Variants in HERC5 observed in about 807,000 individuals in gnomAD.
The protein encoded by HERC5 is HECT and RLD domain containing E3 ubiquitin protein ligase 5, also known as E3 ISG15--protein ligase HERC5.
HERC5 carries 99 observed loss-of-function variants against 119.6 expected under a neutral mutation model. That is an observed-to-expected ratio of 0.83 (90% CI 0.70 to 0.98). The LOEUF (loss-of-function observed/expected upper bound fraction) is 0.98. HERC5 is among the 50% of genes least tolerant of loss of function. The pLI is 0.00. For missense variants in HERC5, 1,267 were observed against 1,241.3 expected (o/e 1.02, Z -0.31); for synonymous variants, 478 against 445.9 (o/e 1.07, Z -0.91).
intron 12 of HERC5, among the ~76,000 whole-genome samples, chr4:88,477,038 C>T (rs545694328): frequency 1.4e-5 from 2 of 146,020 alleles, no homozygotes; most frequent in East Asian, 4.0e-4. Context: ...TCTTCTTTTC[C>T]CAAAAAAAGT....
rs1373174710 is a variant in HERC5 at position 88,505,132 on chromosome 4, A to G, written c.2869+535A>G. ...ACCTACCTTTCCAGTCTTAACTCCT[A>G]GAGGAAATTTTTGTCCCAACCAAAT... On this transcript the variant is annotated intron_variant, in intron 22 of 22. Coordinates refer to ENST00000264350, the MANE Select transcript of HERC5 (RefSeq NM_016323.4). Among the ~76,000 whole-genome samples, 5 of 152,188 alleles carry G rather than the reference A, an allele frequency of 3.3e-5. No homozygotes were observed. The East Asian group carries it at 9.6e-4, about 29-fold the overall frequency.
At chr4:88,476,505 A>G (rs1560604987) in intron 12 of HERC5, among the ~76,000 whole-genome samples, 3 of 152,242 alleles carry the variant, frequency 2.0e-5, no homozygotes. Context: ...GTCAGCAATA[A>G]TAAGTATGTT....
At chr4:88,482,266 C>T (rs1172317693) in intron 13 of HERC5, among the ~76,000 whole-genome samples, 3 of 149,906 alleles carry the variant, frequency 2.0e-5, no homozygotes, top group South Asian at 2.1e-4. Flanking sequence ...GCCAAGATTG[C>T]GTCACTGCAC....
At chr4:88,459,082 A>G (rs1740309839) in intron 1 of HERC5, among the ~76,000 whole-genome samples, 1 of 152,198 alleles carries the variant, frequency 6.6e-6, no homozygotes, top group Admixed American at 6.5e-5. Context: ...AAAAGCAGAT[A>G]TTTAATTGGA....
At chr4:88,469,500 C>T (rs1013883659) in intron 9 of HERC5, among the ~76,000 whole-genome samples, 1 of 152,074 alleles carries the variant, frequency 6.6e-6, no homozygotes, top group Admixed American at 6.6e-5. Flanking sequence ...ATTGTAGGGG[C>T]TGGCAAGTCC....
chr4:88,494,415 C>T, intron 18 of HERC5, 84 bp downstream of exon 18: 1 of 1,077,466 alleles, frequency 9.3e-7, no homozygotes, highest in Non-Finnish European at 1.3e-6. Flanking sequence ...CATAATATTT[C>T]CATGTTCAAC....
intron 6 of HERC5, among the ~76,000 whole-genome samples, chr4:88,465,465 T>C (rs757110207): frequency 1.3e-5 from 2 of 152,194 alleles, no homozygotes; most frequent in Non-Finnish European, 2.9e-5. Context: ...GATCTTGGAG[T>C]AGAATTACAT....
rs1192253947 is a variant in HERC5 at position 88,489,843 on chromosome 4, TA to T, written c.2133+508del. Reference sequence around the variant, plus strand: ...GGTCAACATGGTAAAACCCTGTCTCTACTAAAAATACAAAAATGAACCGTGT... The same window carrying T: ...GGTCAACATGGTAAAACCCTGTCTCTCTAAAAATACAAAAATGAACCGTGT... On this transcript the variant is annotated intron_variant, in intron 16 of 22. Coordinates refer to ENST00000264350, the MANE Select transcript of HERC5 (RefSeq NM_016323.4). Among the ~76,000 whole-genome samples the T allele has an allele frequency of 1.1e-4, 16 of 152,070 alleles. No individual in the cohort carries two copies. In the South Asian group the frequency reaches 3.1e-3, roughly 30 times the overall value.
At chr4:88,496,494 T>C (rs1741798942) in intron 18 of HERC5, among the ~76,000 whole-genome samples, 1 of 152,188 alleles carries the variant, frequency 6.6e-6, no homozygotes, top group Admixed American at 6.5e-5. Flanking sequence ...AATGGACCCA[T>C]GCCTATGTGG....
intron 13 of HERC5, among the ~76,000 whole-genome samples, chr4:88,480,017 A>G (rs1741225665): frequency 6.6e-6 from 1 of 150,408 alleles, no homozygotes; most frequent in East Asian, 2.0e-4. Flanking sequence ...CAGTGAGCAG[A>G]GATCGCGCCA....
Position 88,505,767 on chromosome 4 carries a change from T to C in HERC5, c.2964T>C (p.Pro988=), listed in dbSNP as rs746517242. The C allele has an allele frequency of 3.1e-6, 5 of 1,608,788 alleles. No individual in the cohort carries two copies. The Admixed American group carries it at 5.0e-5, about 16-fold the overall frequency. Residue 988 remains proline (P), a synonymous_variant, in exon 23 of 23, where the codon CCT becomes CCC. Coordinates refer to ENST00000264350, the MANE Select transcript of HERC5 (RefSeq NM_016323.4). The part of the protein sequence containing the change: ...CCPESWNERD[P]IRALTCFSVL... ...CTGAAAGTTGGAATGAAAGAGACCC[T>C]ATAAGAGCACTGACATGTTTCAGTG...
chr4:88,502,524 C>G (rs1337322219), intron 20 of HERC5, among the ~76,000 whole-genome samples: 2 of 152,034 alleles, frequency 1.3e-5, no homozygotes, highest in African/African-American at 4.8e-5. Flanking sequence ...ACGCAGCCAT[C>G]AGTGGGTGCC....
At chr4:88,475,761 C>T (rs1408517157) in intron 11 of HERC5, 80 bp from the exon 12 acceptor site, 2 of 1,156,540 alleles carry the variant, frequency 1.7e-6, no homozygotes, top group Non-Finnish European at 2.6e-6. Context: ...CCAGCCTCTA[C>T]ACCTTGTTTT....
intron 16 of HERC5, 43 bp from the exon 17 acceptor site, chr4:88,492,969 A>G (rs751750069): frequency 3.1e-6 from 5 of 1,599,236 alleles, no homozygotes; most frequent in South Asian, 1.1e-5. Context: ...ATATAGCAAT[A>G]TAGAGCCCTG....
chr4:88,490,642 G>A (rs1369464985), intron 16 of HERC5, among the ~76,000 whole-genome samples: 18 of 152,200 alleles, frequency 1.2e-4, no homozygotes, highest in Admixed American at 2.0e-4. Context: ...TCAGGAGTTC[G>A]AAACCAACCT....
rs770778460 is a variant in HERC5, at chr4:88,500,907, G to T, written c.2512-8G>T. 6.2e-7 allele frequency: 1 copy of T among 1,604,248 alleles called. No individual in the cohort carries two copies. The highest frequency in any genetic ancestry group is 1.1e-5 in the South Asian group (1 of 89,624). Reference sequence around the variant, plus strand: ...GGAGATATTATCTGAGTTCATTTGCGGTTACAGGTGCACTGGGACAGAAAC... The same window carrying T: ...GGAGATATTATCTGAGTTCATTTGCTGTTACAGGTGCACTGGGACAGAAAC... On this transcript the variant is annotated splice_polypyrimidine_tract_variant and splice_region_variant and intron_variant, in intron 19 of 22. Transcript: ENST00000264350.
At position 88,475,853 on chromosome 4, in the gene HERC5, C is replaced by G. The variant is rs771785396; in HGVS notation, c.1405C>G (p.Leu469Val). 1.2e-6 allele frequency: 2 copies of G among 1,613,960 alleles called. No homozygotes were observed. The highest frequency in any genetic ancestry group is 1.7e-6 in the Non-Finnish European group (2 of 1,179,976). The change falls in exon 12 of 23, where the codon CTC becomes GTC. Residue 469 changes from leucine to valine, a missense_variant. Leu to Val is a conservative substitution (Grantham distance 32). This residue lies in a region of HERC5 where 777 missense variants were observed against 758.0 expected (regional missense o/e 1.03). Coordinates refer to ENST00000264350, the MANE Select transcript of HERC5 (RefSeq NM_016323.4). ...DWITNMITTC[L>V]KDNLLKRLPF... is the part of the protein sequence containing the mutation. ...TTTCTGACCACAGATAACCACCTGC[C>G]TCAAAGATAATCTGCTCAAAAGACT...
intron 18 of HERC5, among the ~76,000 whole-genome samples, chr4:88,496,554 C>T (rs1291660065): frequency 6.6e-6 from 1 of 151,896 alleles, no homozygotes; most frequent in Non-Finnish European, 1.5e-5. Context: ...CAGTACTACT[C>T]AATAAATGGA....
At chr4:88,487,564 A>G (rs1053787862) in intron 15 of HERC5, among the ~76,000 whole-genome samples, 1 of 152,208 alleles carries the variant, frequency 6.6e-6, no homozygotes, top group Non-Finnish European at 1.5e-5. Context: ...TAATGAAAAG[A>G]TACGGTAGCA....
Sources: allele counts gnomAD v4.1 joint callset (sites outside exome capture counted in the v4.1 genomes callset), GRCh38; gene constraint gnomAD v4.1.1; regional missense constraint gnomAD v4.1.1; transcripts MANE v1.5; gene names NCBI Gene and HGNC (gene_info 2026-07-23, HGNC 2026-07-21).